COL23A1: variants seen among roughly 807,000 people sequenced by gnomAD.
COL23A1 encodes the protein collagen alpha-1(XXIII) chain.
COL23A1 carries 97 observed loss-of-function variants against 99.3 expected under a neutral mutation model. The observed-to-expected ratio is 0.98, with a 90% CI of 0.83 to 1.16. COL23A1 has a LOEUF of 1.16. COL23A1 is among the 50% of genes most tolerant of loss of function. COL23A1 has a pLI of 0.00. For synonymous variants in COL23A1, 320 were observed against 308.2 expected (o/e 1.04, Z -0.40); for missense variants, 762 against 757.4 (o/e 1.01, Z -0.07).
At chr5:178,346,253 A>G (rs1760964955) in intron 2 of COL23A1, among the ~76,000 whole-genome samples, 1 of 152,046 alleles carries the variant, frequency 6.6e-6, no homozygotes, top group Non-Finnish European at 1.5e-5. Flanking sequence ...TTGTTTTTTA[A>G]GATGGAGTTT....
At position 178,589,916 on chromosome 5, in the gene COL23A1, G is replaced by A. The variant is rs1764181179; in HGVS notation, c.282C>T (p.Arg94=). Residue 94 remains arginine (R), a synonymous_variant, in exon 1 of 29, where the codon CGC becomes CGT. Transcript: ENST00000390654. The surrounding 1 kb of genome is among the most constrained non-coding windows in gnomAD (Gnocchi z 5.4). ...LDAWAEPHLE[R]LLREKLDGLA... ...CCAAGACGCTCACCTCCCGCAGCAG[G>A]CGCTCCAGGTGCGGCTCGGCCCAGG... The A allele has an allele frequency of 1.5e-6, 2 of 1,316,100 alleles. No homozygotes were observed. Among genetic ancestry groups the A allele is most frequent in the South Asian group, 2.1e-5 (1 of 47,058 alleles). The allele number at this position is 1,316,100 out of a possible 1,614,324, so 81.5% of individuals were successfully genotyped here.
At chr5:178,583,045 C>G (rs770552778) in intron 1 of COL23A1, among the ~76,000 whole-genome samples, 1 of 152,260 alleles carries the variant, frequency 6.6e-6, no homozygotes, top group African/African-American at 2.4e-5. Context: ...TGACATTTCT[C>G]CCCCTGTAAA....
chr5:178,383,154 T>C (rs1022273432), intron 2 of COL23A1, among the ~76,000 whole-genome samples: 2 of 152,082 alleles, frequency 1.3e-5, no homozygotes, highest in Non-Finnish European at 2.9e-5. Context: ...CTCCCCCTCC[T>C]CCAGCTCTGG....
chr5:178,549,740 G>A (rs7734633), intron 2 of COL23A1, among the ~76,000 whole-genome samples: 1,891 of 152,184 alleles, frequency 0.012, 33 homozygotes, highest in African/African-American at 0.041. Context: ...GCTTGAATCC[G>A]GGAGGCAGAG....
intron 13 of COL23A1, 135 bp from the exon 14 acceptor site, chr5:178,257,063 G>C: frequency 1.3e-6 from 1 of 753,140 alleles, no homozygotes; most frequent in Non-Finnish European, 2.2e-6. Flanking sequence ...GTCCATGGGG[G>C]GTGTGGGCGG....
chr5:178,279,330 A>G (rs937161318), intron 5 of COL23A1, among the ~76,000 whole-genome samples: 14 of 151,634 alleles, frequency 9.2e-5, no homozygotes, highest in Non-Finnish European at 2.9e-5. Flanking sequence ...CTCTCCTCCC[A>G]CAGTGACCAG....
At chr5:178,399,870 C>T (rs1424805692) in intron 2 of COL23A1, among the ~76,000 whole-genome samples, 1 of 152,184 alleles carries the variant, frequency 6.6e-6, no homozygotes, top group Non-Finnish European at 1.5e-5. Context: ...AGAATAACGA[C>T]GGCCGCATGG....
chr5:178,386,168 G>A (rs886963403), intron 2 of COL23A1, among the ~76,000 whole-genome samples: 2 of 152,180 alleles, frequency 1.3e-5, no homozygotes, highest in African/African-American at 2.4e-5. Flanking sequence ...GCCAGGCGCC[G>A]TGGCTCACAC....
intron 2 of COL23A1, among the ~76,000 whole-genome samples, chr5:178,402,132 C>T (rs1435777763): frequency 2.0e-5 from 3 of 152,064 alleles, no homozygotes; most frequent in Non-Finnish European, 2.9e-5. Flanking sequence ...GTCTTTTAAC[C>T]CATAAAGTAT....
At chr5:178,240,223 C>T (rs1004134561) in intron 27 of COL23A1, among the ~76,000 whole-genome samples, 3 of 152,170 alleles carry the variant, frequency 2.0e-5, no homozygotes, top group Non-Finnish European at 2.9e-5. Context: ...GACACCAAGG[C>T]GCAAAACATG....
At chr5:178,430,816 T>C (rs1311332279) in intron 2 of COL23A1, among the ~76,000 whole-genome samples, 1 of 152,192 alleles carries the variant, frequency 6.6e-6, no homozygotes, top group East Asian at 1.9e-4. Context: ...CTCCCAGCCA[T>C]GCATAGGTGG....
At chr5:178,572,044 G>A (rs1313604823) in intron 1 of COL23A1, among the ~76,000 whole-genome samples, 1 of 134,890 alleles carries the variant, frequency 7.4e-6, no homozygotes, top group Non-Finnish European at 1.5e-5. Flanking sequence ...CTCCAGCCTG[G>A]GTGACAGAGC....
At chr5:178,533,268 C>G (rs10044541) in intron 2 of COL23A1, among the ~76,000 whole-genome samples, 3,108 of 152,256 alleles carry the variant, frequency 0.02, 94 homozygotes, top group African/African-American at 0.069. Flanking sequence ...AGTACATTCA[C>G]AATGTTGTGC....
At chr5:178,370,552 CA>C (rs1350720816) in intron 2 of COL23A1, among the ~76,000 whole-genome samples, 1 of 152,014 alleles carries the variant, frequency 6.6e-6, no homozygotes, top group Non-Finnish European at 1.5e-5. Flanking sequence ...TTTCATTAGA[CA>C]GGGGGAAGAA....
chr5:178,437,247 G>C (rs1438625671), intron 2 of COL23A1, among the ~76,000 whole-genome samples: 2 of 152,142 alleles, frequency 1.3e-5, no homozygotes, highest in African/African-American at 4.8e-5. Context: ...GGGGTCCTGG[G>C]CTCCAGGATC....
chr5:178,460,396 A>G (rs1756055073), intron 2 of COL23A1, among the ~76,000 whole-genome samples: 1 of 152,070 alleles, frequency 6.6e-6, no homozygotes, highest in Non-Finnish European at 1.5e-5. Flanking sequence ...CCACCGAGAC[A>G]GGGCAGTGCC....
At chr5:178,297,331 G>C (rs566452249) in intron 3 of COL23A1, among the ~76,000 whole-genome samples, 2 of 152,330 alleles carry the variant, frequency 1.3e-5, no homozygotes, top group African/African-American at 2.4e-5. Context: ...GACCAGCTTG[G>C]CCAACATGGC....
At chr5:178,282,504 C>T (rs1756952056) in intron 5 of COL23A1, among the ~76,000 whole-genome samples, 1 of 152,202 alleles carries the variant, frequency 6.6e-6, no homozygotes, top group Non-Finnish European at 1.5e-5. Flanking sequence ...CCCGGCCCTG[C>T]TACTGTAGAC....
At chr5:178,535,844 C>A (rs974225063) in intron 2 of COL23A1, among the ~76,000 whole-genome samples, 6 of 152,272 alleles carry the variant, frequency 3.9e-5, no homozygotes, top group African/African-American at 1.4e-4. Flanking sequence ...CCATGTGGCC[C>A]TGAGGTCAGG....
Sources: gnomAD v4.1 joint callset for allele counts (sites outside exome capture counted in the v4.1 genomes callset) on GRCh38, gnomAD v4.1.1 for gene constraint, Gnocchi (gnomAD v3.1) non-coding constraint, MANE v1.5 for transcripts, NCBI Gene and HGNC (gene_info 2026-07-23, HGNC 2026-07-21) for gene names.